The following UTRN variants were observed in gnomAD, a reference collection of about 807,000 sequenced individuals.
UTRN encodes the protein utrophin.
UTRN carries 283 observed loss-of-function variants against 463.9 expected under a neutral mutation model. That is an observed-to-expected ratio of 0.61 (90% CI 0.55 to 0.67). The LOEUF (loss-of-function observed/expected upper bound fraction) is 0.67. Ranked by LOEUF, UTRN falls within the 30% of genes least tolerant of loss-of-function variation. UTRN has a pLI of 0.00. For missense variants in UTRN, 3,922 were observed against 4,084.3 expected (o/e 0.96, Z 1.08); for synonymous variants, 1,442 against 1,431.5 (o/e 1.01, Z -0.17).
intron 46 of UTRN, among the ~76,000 whole-genome samples, chr6:144,543,810 T>C (rs1798183382): frequency 6.6e-6 from 1 of 151,570 alleles, no homozygotes; most frequent in East Asian, 1.9e-4. Flanking sequence ...ACAGACAATA[T>C]ATTTTTTTTC....
At position 144,444,368 on chromosome 6, in the gene UTRN, T is replaced by G. The variant is rs778512242; in HGVS notation, c.1600T>G (p.Leu534Val). 2.5e-5 allele frequency: 40 copies of G among 1,608,690 alleles called. No individual in the cohort carries two copies. The highest frequency in any genetic ancestry group is 3.4e-5 in the Non-Finnish European group (40 of 1,176,968). The stretch of plus-strand genomic sequence containing the variant: ...AGAAATCAATATATTGTGGCAGGAA[T>G]TATTGGAAGAACAGGTATGAAACTG... ...LQEINILWQE[L>V]LEEQCLLKAW... The change falls in exon 14 of 75, where the codon TTA becomes GTA. Residue 534 changes from leucine to valine, a missense_variant. By Grantham distance (32) the Leu-to-Val change is conservative (BLOSUM62 1). Coordinates refer to ENST00000367545, the MANE Select transcript of UTRN (RefSeq NM_007124.3).
rs2128607516 is a variant in UTRN, at chr6:144,542,838, A to G, written c.6563A>G (p.Glu2188Gly). ...VPTTLKECIQ[E>G]PSSVSQTRIA... ...ACCACCCTGAAGGAATGCATCCAGG[A>G]GCCCAGTTCTGTTTCACAGACAAGG... The change falls in exon 46 of 75, where the codon GAG becomes GGG. Residue 2188 changes from glutamate (E) to glycine (G), a missense_variant. Coordinates refer to ENST00000367545, the MANE Select transcript of UTRN (RefSeq NM_007124.3). 1 of 1,613,766 alleles carries G rather than the reference A, an allele frequency of 6.2e-7. No homozygotes were observed. Among genetic ancestry groups the G allele is most frequent in the Non-Finnish European group, 8.5e-7 (1 of 1,179,874 alleles).
At chr6:144,801,004 G>A (rs533713532) in intron 64 of UTRN, among the ~76,000 whole-genome samples, 4 of 152,212 alleles carry the variant, frequency 2.6e-5, no homozygotes, top group South Asian at 2.1e-4. Flanking sequence ...GATTCTATCC[G>A]TGTCGTTATA....
At chr6:144,551,896 C>T (rs780071800) in intron 48 of UTRN, among the ~76,000 whole-genome samples, 5 of 152,180 alleles carry the variant, frequency 3.3e-5, no homozygotes, top group Admixed American at 6.5e-5. Context: ...TGCAATTCTA[C>T]GCAGCAGCTA....
At position 144,771,914 on chromosome 6, in the gene UTRN, A is replaced by T. The variant is rs1352812011; in HGVS notation, c.8503A>T (p.Thr2835Ser). Residue 2835 changes from threonine (T) to serine (S), a missense_variant, in exon 59 of 75, where the codon ACA becomes TCA. Transcript: ENST00000367545. ...TTTACCTTTTTTTTCCAGCCATCAAACACAGACCACCTGTTGGGACCATCC... is the reference window on the plus strand; with the variant it reads ...TTTACCTTTTTTTTCCAGCCATCAATCACAGACCACCTGTTGGGACCATCC... ...NKVPYYINHQTQTTCWDHPKM... is the reference protein window; with the variant it reads ...NKVPYYINHQSQTTCWDHPKM... The T allele has an allele frequency of 6.3e-6, 10 of 1,593,108 alleles. No individual in the cohort carries two copies. The highest frequency in any genetic ancestry group is 8.5e-6 in the Non-Finnish European group (10 of 1,173,832).
At chr6:144,455,889 T>C (rs567550125) in intron 19 of UTRN, among the ~76,000 whole-genome samples, 4 of 152,192 alleles carry the variant, frequency 2.6e-5, no homozygotes, top group African/African-American at 4.8e-5. Context: ...ATTCTGGACA[T>C]TGAGTTCACA....
At chr6:144,771,041 A>G (rs1793947350) in intron 58 of UTRN, among the ~76,000 whole-genome samples, 1 of 152,250 alleles carries the variant, frequency 6.6e-6, no homozygotes, top group Non-Finnish European at 1.5e-5. Context: ...TGACTCCCAC[A>G]GCACTACTTC....
intron 56 of UTRN, among the ~76,000 whole-genome samples, chr6:144,754,117 CAT>C (rs5880609): frequency 1.3e-5 from 2 of 151,024 alleles, no homozygotes; most frequent in Non-Finnish European, 1.5e-5. Flanking sequence ...TCTCACTCCC[CAT>C]ATATATATAT....
intron 17 of UTRN, 105 bp from the exon 18 acceptor site, chr6:144,451,265 G>T: frequency 7.3e-7 from 1 of 1,362,784 alleles, no homozygotes; most frequent in Non-Finnish European, 9.8e-7. Flanking sequence ...TTGGGGGAGT[G>T]ATAAAAAGAC....
chr6:144,802,963 T>C, intron 64 of UTRN, 73 bp from the exon 65 acceptor site: 1 of 1,089,428 alleles, frequency 9.2e-7, no homozygotes, highest in Non-Finnish European at 1.2e-6. Flanking sequence ...TTCGGATGAA[T>C]GAAATTTCTT....
At chr6:144,722,067 T>C (rs1376878061) in intron 53 of UTRN, among the ~76,000 whole-genome samples, 1 of 152,224 alleles carries the variant, frequency 6.6e-6, no homozygotes, top group Non-Finnish European at 1.5e-5. Flanking sequence ...AGTAGCCAGA[T>C]ATCTGCTGCA....
rs377193698 is a variant in UTRN at position 144,836,392 on chromosome 6, C to T, written c.9916C>T (p.His3306Tyr). The change falls in exon 71 of 75, where the codon CAT becomes TAT. Residue 3306 changes from histidine (H) to tyrosine (Y), a missense_variant. Physicochemically the swap from His to Tyr is moderately conservative, Grantham distance 83. This residue lies in a region of UTRN where 1,309 missense variants were observed against 1,452.6 expected (regional missense o/e 0.90). Transcript: ENST00000367545. ...GSPPESIISP[H>Y]HTSEDSELIA... is the part of the protein sequence containing the mutation. Reference sequence around the variant, plus strand: ...ACCGCCAGAGTCGATTATATCTCCCCATCACACGTCTGAGGATTCAGAACT... The same window carrying T: ...ACCGCCAGAGTCGATTATATCTCCCTATCACACGTCTGAGGATTCAGAACT... 9 of 1,613,930 alleles carry T rather than the reference C, an allele frequency of 5.6e-6. No individual in the cohort carries two copies. The Admixed American group carries it at 8.3e-5, about 15-fold the overall frequency.
intron 53 of UTRN, among the ~76,000 whole-genome samples, chr6:144,722,480 C>T (rs1305889094): frequency 6.6e-6 from 1 of 152,076 alleles, no homozygotes; most frequent in Admixed American, 6.5e-5. Flanking sequence ...CACTCCTATG[C>T]AGAGGGAAAT....
At chr6:144,565,562 A>T (rs1009759406) in intron 50 of UTRN, among the ~76,000 whole-genome samples, 1 of 152,196 alleles carries the variant, frequency 6.6e-6, no homozygotes. Flanking sequence ...AAAATTTCCA[A>T]TGAAGTGAAA....
chr6:144,622,171 AT>A (rs758978823), intron 51 of UTRN, among the ~76,000 whole-genome samples: 10 of 90,674 alleles, frequency 1.1e-4, no homozygotes, highest in East Asian at 4.4e-4. Flanking sequence ...GATGGTATCC[AT>A]TTTTTTTTGT....
intron 2 of UTRN, among the ~76,000 whole-genome samples, chr6:144,366,255 A>G (rs1216623623): frequency 6.6e-6 from 1 of 152,138 alleles, no homozygotes; most frequent in Non-Finnish European, 1.5e-5. Flanking sequence ...ATATATTTTA[A>G]CTTTGATTTT....
chr6:144,447,927 G>A (rs939532261), intron 16 of UTRN, 146 bp downstream of exon 16: 1 of 651,332 alleles, frequency 1.5e-6, no homozygotes, highest in African/African-American at 1.9e-5. Flanking sequence ...ATCACCTTCA[G>A]TTTTCTAAAG....
At position 144,851,162 on chromosome 6, in the gene UTRN, G is replaced by A; in HGVS notation, c.*165G>A. On this transcript the variant is annotated 3_prime_UTR_variant, in exon 75 of 75. Coordinates refer to ENST00000367545, the MANE Select transcript of UTRN (RefSeq NM_007124.3). The stretch of plus-strand genomic sequence containing the variant: ...AAGAGTAAAACACTGACTATCCAAA[G>A]AGAAATGGATATTTTGTTTTTATAA... 1 of 825,912 alleles carries A rather than the reference G, an allele frequency of 1.2e-6. No homozygotes were observed. Among genetic ancestry groups the A allele is most frequent in the Non-Finnish European group, 2.0e-6 (1 of 497,160 alleles). The allele number at this position is 825,912 out of a possible 1,614,324, so 51.2% of individuals were successfully genotyped here.
At chr6:144,760,498 A>G (rs542093201) in intron 58 of UTRN, among the ~76,000 whole-genome samples, 1 of 152,192 alleles carries the variant, frequency 6.6e-6, no homozygotes, top group Non-Finnish European at 1.5e-5. Context: ...GTATATAGCA[A>G]ATTCCCATTT....
Sources: gnomAD v4.1 joint callset for allele counts (sites outside exome capture counted in the v4.1 genomes callset) on GRCh38, gnomAD v4.1.1 for gene constraint, gnomAD v4.1.1 regional missense constraint, MANE v1.5 for transcripts, NCBI Gene and HGNC (gene_info 2026-07-23, HGNC 2026-07-21) for gene names.